Variants in WASF3 observed in about 807,000 individuals in gnomAD.
The protein encoded by WASF3 is actin-binding protein WASF3.
In WASF3, 11 loss-of-function variants were observed where a neutral mutation model predicts 46.6. That is an observed-to-expected ratio of 0.24 (90% CI 0.15 to 0.39). The LOEUF is 0.39. WASF3 is among the 10% of genes least tolerant of loss of function. The pLI is 1.00. For synonymous variants in WASF3, 242 were observed against 259.7 expected (o/e 0.93, Z 0.65); for missense variants, 576 against 669.8 (o/e 0.86, Z 1.55).
At chr13:26,602,003 A>G (rs1880656182) in intron 1 of WASF3, among the ~76,000 whole-genome samples, 1 of 152,214 alleles carries the variant, frequency 6.6e-6, no homozygotes, top group Admixed American at 6.5e-5. Flanking sequence ...GCCGGTTATT[A>G]AATGCCTCTG....
At chr13:26,621,652 G>A (rs1881309841) in intron 2 of WASF3, among the ~76,000 whole-genome samples, 1 of 152,106 alleles carries the variant, frequency 6.6e-6, no homozygotes. Flanking sequence ...GTGAACATTT[G>A]TCCCAGTGAA....
chr13:26,620,727 A>G (rs1881279748), intron 2 of WASF3: 1 of 152,194 alleles, frequency 6.6e-6, no homozygotes, highest in African/African-American at 2.4e-5. Flanking sequence ...TAATGGTGAA[A>G]ACCCTGGTGG....
Position 26,559,788 on chromosome 13 carries a change from T to TTTTCTTTTCTTTCTTTCTTTCTTTCTTTC in WASF3, c.-109+1976_-109+1977insTCTTTCTTTCTTTCTTTCTTTCTTTCTTT, listed in dbSNP as rs1555246391. On this transcript the variant is annotated intron_variant, in intron 1 of 9. Coordinates refer to ENST00000335327, the MANE Select transcript of WASF3 (RefSeq NM_006646.6). Reference sequence around the variant, plus strand: ...AGACCTTGAATCTCTTTTTCTTTTCTTTTCTTTCTTTCTTTCTTTCTTTTT... The same window carrying TTTTCTTTTCTTTCTTTCTTTCTTTCTTTC: ...AGACCTTGAATCTCTTTTTCTTTTCTTTTCTTTTCTTTCTTTCTTTCTTTCTTTCTTTCTTTCTTTCTTTCTTTCTTTTT... 4.7e-4 allele frequency among the ~76,000 whole-genome samples: 38 copies of TTTTCTTTTCTTTCTTTCTTTCTTTCTTTC among 80,524 alleles called. 3 individuals are homozygous for TTTTCTTTTCTTTCTTTCTTTCTTTCTTTC. The highest frequency in any genetic ancestry group is 1.5e-3 in the South Asian group (3 of 1,992). The allele number at this position is 80,524 out of a possible 152,430, so 52.8% of individuals were successfully genotyped here.
At chr13:26,636,374 A>T (rs961346017) in intron 2 of WASF3, among the ~76,000 whole-genome samples, 3 of 152,222 alleles carry the variant, frequency 2.0e-5, no homozygotes, top group Non-Finnish European at 2.9e-5. Context: ...GGAAAAGCAC[A>T]GTATTTGGGC....
At chr13:26,611,516 C>T (rs543439486) in intron 1 of WASF3, among the ~76,000 whole-genome samples, 25 of 152,190 alleles carry the variant, frequency 1.6e-4, no homozygotes, top group African/African-American at 2.6e-4. Flanking sequence ...TGTCCTTAGG[C>T]ATAGTTAGCT....
chr13:26,629,631 C>A (rs527907509), intron 2 of WASF3, among the ~76,000 whole-genome samples: 1 of 152,274 alleles, frequency 6.6e-6, no homozygotes, highest in South Asian at 2.1e-4. Context: ...CCTGTGTAAC[C>A]TAGGCACACA....
intron 7 of WASF3, chr13:26,680,149 G>T (rs549292542): frequency 1.9e-6 from 3 of 1,596,778 alleles, no homozygotes; most frequent in Non-Finnish European, 2.5e-6. Context: ...TATGAGTGAC[G>T]CAAAGAAACT....
intron 1 of WASF3, among the ~76,000 whole-genome samples, chr13:26,605,024 T>G (rs1880751049): frequency 6.6e-6 from 1 of 152,176 alleles, no homozygotes; most frequent in Non-Finnish European, 1.5e-5. Flanking sequence ...TCTCCCTGTC[T>G]TTCCTGTCCT....
intron 1 of WASF3, among the ~76,000 whole-genome samples, chr13:26,603,883 G>C (rs1339018161): frequency 1.3e-5 from 2 of 152,186 alleles, no homozygotes; most frequent in South Asian, 4.1e-4. Context: ...TTAATGTATA[G>C]AGTTGAGAAG....
rs935700973 is a variant in WASF3, at chr13:26,577,242, A to G, written c.-109+19423A>G. 37 of 734,938 alleles carry G rather than the reference A, an allele frequency of 5.0e-5. No homozygotes were observed. In the African/African-American group the frequency reaches 6.3e-4, roughly 13 times the overall value. The allele number at this position is 734,938 out of a possible 1,614,324, so 45.5% of individuals were successfully genotyped here. On this transcript the variant is annotated intron_variant, in intron 1 of 9. Coordinates refer to ENST00000335327, the MANE Select transcript of WASF3 (RefSeq NM_006646.6). ...CATGGTCAAAAAATGGCAGACAGTG[A>G]TTAAAGCTCATGTTGATGTCAGGAC...
intron 1 of WASF3, among the ~76,000 whole-genome samples, chr13:26,564,032 C>T (rs1158358205): frequency 6.6e-6 from 1 of 152,010 alleles, no homozygotes; most frequent in Non-Finnish European, 1.5e-5. Flanking sequence ...TGTTCTTGAA[C>T]CTTTTTGGTA....
At chr13:26,623,310 T>C (rs1250688655) in intron 2 of WASF3, among the ~76,000 whole-genome samples, 1 of 152,160 alleles carries the variant, frequency 6.6e-6, no homozygotes, top group Non-Finnish European at 1.5e-5. Context: ...TAATCTCAGC[T>C]GCCACTGGGA....
At chr13:26,558,662 A>G (rs1363147028) in intron 1 of WASF3, among the ~76,000 whole-genome samples, 2 of 152,210 alleles carry the variant, frequency 1.3e-5, no homozygotes. Context: ...TTCAGAAACT[A>G]TGTGATGGGC....
At chr13:26,540,909 T>C in the WASF3 span, among the ~76,000 whole-genome samples, 1 of 152,162 alleles carries the variant, frequency 6.6e-6, no homozygotes, top group South Asian at 2.1e-4. Flanking sequence ...AAAAGCAGAT[T>C]GCAAGATAGT....
In WASF3 at chr13:26,642,340, A is replaced by T; in HGVS notation, c.70A>T (p.Ser24Cys). ...GGGAGCTCTGCCTGAAGGGATTACC[A>T]GCGAACTTGAATGTGTAACCAATAG... ...CRGALPEGIT[S>C]ELECVTNSTL... Residue 24 changes from serine (S) to cysteine (C), a missense_variant, in exon 3 of 10, where the codon AGC becomes TGC. Coordinates refer to ENST00000335327, the MANE Select transcript of WASF3 (RefSeq NM_006646.6). 1 of 1,612,488 alleles carries T rather than the reference A, an allele frequency of 6.2e-7. No individual in the cohort carries two copies.
chr13:26,592,293 G>A (rs1162356965), intron 1 of WASF3, among the ~76,000 whole-genome samples: 1 of 151,922 alleles, frequency 6.6e-6, no homozygotes, highest in Admixed American at 6.6e-5. Flanking sequence ...AAATATTTTT[G>A]TTTTTTTGCG....
chr13:26,632,909 A>T (rs1331281638), intron 2 of WASF3, among the ~76,000 whole-genome samples: 2 of 152,134 alleles, frequency 1.3e-5, no homozygotes, highest in African/African-American at 2.4e-5. Context: ...GGGAGGGTGT[A>T]TGTGTCCAGG....
At chr13:26,667,822 T>G in intron 5 of WASF3, 152 bp downstream of exon 5, 3 of 700,478 alleles carry the variant, frequency 4.3e-6, no homozygotes, top group Non-Finnish European at 6.8e-6. Flanking sequence ...AATGATTGAA[T>G]TATATACAAT....
At chr13:26,621,551 G>A (rs903606680) in intron 2 of WASF3, among the ~76,000 whole-genome samples, 56 of 152,160 alleles carry the variant, frequency 3.7e-4, no homozygotes, top group African/African-American at 1.3e-3. Context: ...TAGAACCCCA[G>A]TTCCCCAATT....
Sources: gnomAD v4.1 joint callset for allele counts (sites outside exome capture counted in the v4.1 genomes callset) on GRCh38, gnomAD v4.1.1 for gene constraint, MANE v1.5 for transcripts, NCBI Gene and HGNC (gene_info 2026-07-23, HGNC 2026-07-21) for gene names.